Variants in PRKD1 observed in about 807,000 individuals in gnomAD.
PRKD1 encodes protein kinase D1.
PRKD1 carries 63 observed loss-of-function variants against 95.9 expected under a neutral mutation model. That is an observed-to-expected ratio of 0.66 (90% CI 0.54 to 0.81). The LOEUF is 0.81. Among genes scored for constraint, PRKD1 ranks in the 30% least tolerant of loss-of-function variants. The pLI is 0.00. For missense variants in PRKD1, 1,048 were observed against 1,165.3 expected (o/e 0.90, Z 1.47); for synonymous variants, 425 against 423.1 (o/e 1.00, Z -0.05).
intron 1 of PRKD1, among the ~76,000 whole-genome samples, chr14:29,822,288 G>T (rs1250964519): frequency 1.3e-5 from 2 of 152,112 alleles, no homozygotes; most frequent in African/African-American, 4.8e-5. Flanking sequence ...TACGCAGAAC[G>T]ATTTCTATAG....
chr14:29,650,081 G>T (rs1881393376), intron 4 of PRKD1, among the ~76,000 whole-genome samples: 1 of 151,862 alleles, frequency 6.6e-6, no homozygotes, highest in Non-Finnish European at 1.5e-5. Context: ...CCTAGTTGGG[G>T]TGGTGAGCCA....
At chr14:29,622,446 C>T (rs1879339831) in intron 13 of PRKD1, among the ~76,000 whole-genome samples, 1 of 148,830 alleles carries the variant, frequency 6.7e-6, no homozygotes, top group African/African-American at 2.5e-5. Flanking sequence ...CTCTGTTGCC[C>T]AGGCTGGAGG....
chr14:29,655,300 T>C lies in PRKD1; in HGVS notation c.696+8399A>G, dbSNP rs148799503. On this transcript the variant is annotated intron_variant, in intron 4 of 17. Coordinates refer to ENST00000331968, the MANE Select transcript of PRKD1 (RefSeq NM_002742.3). ...TAGGACACTTTTTGAGTAAGAATGA[T>C]TTTTCAAAAATAGGAATTTACTATT... Among the ~76,000 whole-genome samples the C allele has an allele frequency of 3.3e-3, 495 of 152,284 alleles. 2 individuals carry two copies. The highest frequency in any genetic ancestry group is 0.011 in the African/African-American group (455 of 41,568).
At chr14:29,712,664 TA>T (rs1885391975) in intron 2 of PRKD1, among the ~76,000 whole-genome samples, 1 of 152,194 alleles carries the variant, frequency 6.6e-6, no homozygotes, top group South Asian at 2.1e-4. Context: ...TCTTTCCAAA[TA>T]CATTTTTCTA....
At chr14:29,737,451 G>A (rs1406212822) in intron 1 of PRKD1, among the ~76,000 whole-genome samples, 3 of 151,030 alleles carry the variant, frequency 2.0e-5, no homozygotes, top group Non-Finnish European at 4.4e-5. Context: ...AATACATCAG[G>A]CAGTTGAATA....
rs374884511 is a variant in PRKD1, at chr14:29,793,882, G to T, written c.265-68208C>A. 6.6e-5 allele frequency among the ~76,000 whole-genome samples: 10 copies of T among 152,164 alleles called. No individual in the cohort carries two copies. The East Asian group carries it at 1.4e-3, about 21-fold the overall frequency. ...GTAAAATTAAGGAGAGAAAATGGAAGCAAGCTAGGGTAGTACCTTTTCTGA... is the reference window on the plus strand; with the variant it reads ...GTAAAATTAAGGAGAGAAAATGGAATCAAGCTAGGGTAGTACCTTTTCTGA... On this transcript the variant is annotated intron_variant, in intron 1 of 17. Transcript: ENST00000331968.
At chr14:29,661,067 A>G (rs1322493233) in intron 4 of PRKD1, among the ~76,000 whole-genome samples, 1 of 152,230 alleles carries the variant, frequency 6.6e-6, no homozygotes, top group Non-Finnish European at 1.5e-5. Flanking sequence ...CTATGCTATT[A>G]TAATATTTTT....
chr14:29,829,692 A>T (rs1345220175), intron 1 of PRKD1, among the ~76,000 whole-genome samples: 1 of 152,204 alleles, frequency 6.6e-6, no homozygotes, highest in East Asian at 1.9e-4. Context: ...CACATTAGAA[A>T]AAAATAGAAT....
intron 1 of PRKD1, among the ~76,000 whole-genome samples, chr14:29,785,502 C>G (rs868080813): frequency 7.2e-5 from 11 of 152,212 alleles, no homozygotes; most frequent in Middle Eastern, 6.8e-3. Context: ...ATCACGTCAT[C>G]TGCAAAGAGG....
intron 1 of PRKD1, among the ~76,000 whole-genome samples, chr14:29,793,020 G>GA (rs45534733): frequency 0.029 from 4,354 of 151,908 alleles, 216 homozygotes; most frequent in African/African-American, 0.099. Context: ...ATTATTTTTG[G>GA]AAAAAACTTC....
intron 1 of PRKD1, among the ~76,000 whole-genome samples, chr14:29,915,894 G>C (rs1263414020): frequency 6.6e-6 from 1 of 152,044 alleles, no homozygotes; most frequent in Non-Finnish European, 1.5e-5. Context: ...TGTGTCTTGA[G>C]GTAAATAATT....
At chr14:29,879,063 C>T (rs1035430422) in intron 1 of PRKD1, among the ~76,000 whole-genome samples, 3 of 152,302 alleles carry the variant, frequency 2.0e-5, no homozygotes, top group South Asian at 4.1e-4. Context: ...ATCTTCACGT[C>T]TGCTCTAGCT....
At chr14:29,899,169 T>C (rs1398413208) in intron 1 of PRKD1, among the ~76,000 whole-genome samples, 1 of 152,190 alleles carries the variant, frequency 6.6e-6, no homozygotes, top group Non-Finnish European at 1.5e-5. Flanking sequence ...ATAAATACAG[T>C]ATTTTAACTA....
intron 4 of PRKD1, among the ~76,000 whole-genome samples, chr14:29,662,916 T>G (rs974138031): frequency 6.6e-6 from 1 of 151,490 alleles, no homozygotes; most frequent in Non-Finnish European, 1.5e-5. Flanking sequence ...TATTAGCGTA[T>G]TTCAGAATGT....
At chr14:29,897,282 T>C (rs1310529706) in intron 1 of PRKD1, among the ~76,000 whole-genome samples, 1 of 152,184 alleles carries the variant, frequency 6.6e-6, no homozygotes, top group African/African-American at 2.4e-5. Context: ...ACTTCCTTAT[T>C]GTAATACTAC....
intron 1 of PRKD1, among the ~76,000 whole-genome samples, chr14:29,818,190 A>G (rs2139262273): frequency 6.6e-6 from 1 of 152,340 alleles, no homozygotes; most frequent in Middle Eastern, 3.4e-3. Flanking sequence ...AATGCACAGT[A>G]AGGTCTGAAT....
intron 10 of PRKD1, among the ~76,000 whole-genome samples, chr14:29,630,311 T>A (rs990677579): frequency 6.6e-6 from 1 of 152,062 alleles, no homozygotes; most frequent in African/African-American, 2.4e-5. Context: ...GGCTAATTTT[T>A]GTATTTTTTG....
chr14:29,585,063 T>G (rs990401730), intron 16 of PRKD1, among the ~76,000 whole-genome samples: 2 of 152,174 alleles, frequency 1.3e-5, no homozygotes, highest in African/African-American at 4.8e-5. Flanking sequence ...GTTTTCTCTT[T>G]TTTTTTTCCC....
chr14:29,763,517 A>AAAGC (rs150156977), intron 1 of PRKD1, among the ~76,000 whole-genome samples: 1 of 146,916 alleles, frequency 6.8e-6, no homozygotes, highest in East Asian at 2.0e-4. Context: ...AACACAGAAA[A>AAAGC]AGACTAGTAA....
Sources: allele counts gnomAD v4.1 joint callset (sites outside exome capture counted in the v4.1 genomes callset), GRCh38; gene constraint gnomAD v4.1.1; transcripts MANE v1.5; gene names NCBI Gene and HGNC (gene_info 2026-07-23, HGNC 2026-07-21).